Variants in GDPD5 observed in about 807,000 individuals in gnomAD.
GDPD5 encodes the protein glycerophosphodiester phosphodiesterase 2.
A neutral mutation model predicts 75.1 loss-of-function variants in GDPD5; 48 were observed. The observed-to-expected ratio is 0.64, with a 90% CI of 0.51 to 0.81. GDPD5 has a LOEUF of 0.81. GDPD5 is among the 40% of genes least tolerant of loss of function. GDPD5 has a pLI of 0.00. For missense variants in GDPD5, 706 were observed against 822.6 expected, an observed-to-expected ratio of 0.86 and a Z score of 1.73; for synonymous variants, 336 against 339.0, an observed-to-expected ratio of 0.99 and a Z score of 0.10.
intron 3 of GDPD5, among the ~76,000 whole-genome samples, chr11:75,473,689 C>G (rs1425589413): frequency 6.6e-6 from 1 of 152,156 alleles, no homozygotes; most frequent in Non-Finnish European, 1.5e-5. Flanking sequence ...GCCCACTGAG[C>G]AGCACCCTTC....
chr11:75,461,965 C>T (rs2135292252), intron 4 of GDPD5, among the ~76,000 whole-genome samples: 1 of 152,342 alleles, frequency 6.6e-6, no homozygotes, highest in Non-Finnish European at 1.5e-5. Context: ...GAGGAAAAAA[C>T]AGGTGCCCCT....
chr11:75,447,632 ACCAT>A (rs2135203147), intron 9 of GDPD5, among the ~76,000 whole-genome samples: 1 of 152,202 alleles, frequency 6.6e-6, no homozygotes, highest in South Asian at 2.1e-4. Context: ...ACTAAAGAAA[ACCAT>A]CCTCGCTGGG....
rs1283677228 is a variant in GDPD5, at chr11:75,442,595, G to A, written c.949-14C>T. The A allele has an allele frequency of 6.2e-7, 1 of 1,612,500 alleles. No homozygotes were observed. Among genetic ancestry groups the A allele is most frequent in the Non-Finnish European group, 8.5e-7 (1 of 1,178,880 alleles). On this transcript the variant is annotated splice_polypyrimidine_tract_variant and intron_variant, in intron 11 of 16. Transcript: ENST00000336898. ...GAAGGGGTCAGTCTGGCAGGGACAG[G>A]GACACACACATGGCTGCATCATCAG...
At position 75,512,256 on chromosome 11, in the gene GDPD5, C is replaced by T. The variant is rs566820155; in HGVS notation, c.-145+12954G>A. On this transcript the variant is annotated intron_variant, in intron 1 of 16. Transcript: ENST00000336898. Reference sequence around the variant, plus strand: ...AATTGTTCCATTTCTTAGTCCCTAACTGGTAGAAGCATGAAATTGGGAAGG... The same window carrying T: ...AATTGTTCCATTTCTTAGTCCCTAATTGGTAGAAGCATGAAATTGGGAAGG... Among the ~76,000 whole-genome samples the T allele has an allele frequency of 6.3e-5, 8 of 126,252 alleles. No homozygotes were observed. In the South Asian group the frequency reaches 2.0e-3, roughly 32 times the overall value. 82.8% of individuals were successfully genotyped at this position (126,252 alleles called of 152,430 possible).
Position 75,443,158 on chromosome 11 carries a change from T to C in GDPD5, c.926A>G (p.Asn309Ser), listed in dbSNP as rs371432695. 8.1e-6 allele frequency: 13 copies of C among 1,604,384 alleles called. No individual in the cohort carries two copies. In the African/African-American group the frequency reaches 1.3e-4, roughly 16 times the overall value. The change falls in exon 11 of 17, where the codon AAC becomes AGC. Residue 309 changes from asparagine (N) to serine (S), a missense_variant. By Grantham distance (46) the Asn-to-Ser change is conservative. Transcript: ENST00000336898. Reference protein sequence around the residue: ...MLNWTTLQRLNAGQWFLKTDP... With the variant: ...MLNWTTLQRLSAGQWFLKTDP... Reference sequence around the variant, plus strand: ...GACCTTCAGGAACCACTGGCCAGCGTTGAGTCTCTGCAGGGTGGTCCAGTT... The same window carrying C: ...GACCTTCAGGAACCACTGGCCAGCGCTGAGTCTCTGCAGGGTGGTCCAGTT...
intron 2 of GDPD5, among the ~76,000 whole-genome samples, chr11:75,484,000 A>G (rs1949972347): frequency 6.6e-6 from 1 of 152,214 alleles, no homozygotes; most frequent in Non-Finnish European, 1.5e-5. Flanking sequence ...CAGCCTGGCC[A>G]ACATGGTGAA....
chr11:75,468,629 A>G (rs1557471), intron 3 of GDPD5, among the ~76,000 whole-genome samples: 100,186 of 151,840 alleles, frequency 0.66, 33,918 homozygotes, highest in East Asian at 0.92. Context: ...CATGCACGGC[A>G]TCTGGTGAGG....
intron 4 of GDPD5, among the ~76,000 whole-genome samples, chr11:75,459,967 AAGGGAC>A (rs1214529923): frequency 6.6e-6 from 1 of 152,186 alleles, no homozygotes; most frequent in Non-Finnish European, 1.5e-5. Flanking sequence ...GACAGCTGGG[AAGGGAC>A]ACCGGGAGGA....
In GDPD5 at chr11:75,525,875, C is replaced by T. The variant is rs538037324; in HGVS notation, c.-810G>A. On this transcript the variant is annotated 5_prime_UTR_variant, in exon 1 of 17. Coordinates refer to ENST00000336898, the MANE Select transcript of GDPD5 (RefSeq NM_030792.8). ...CTCCCTCGCCGCTCGCTCAGCGCCG[C>T]GCCGCTGCCACCTCCGCTGTCATCC... 1 of 151,704 alleles carries T rather than the reference C, an allele frequency of 6.6e-6. No homozygotes were observed. The highest frequency in any genetic ancestry group is 2.4e-5 in the African/African-American group (1 of 41,458). 9.4% of individuals were successfully genotyped at this position (151,704 alleles called of 1,614,324 possible).
rs1247135431 is a variant in GDPD5 at position 75,441,813 on chromosome 11, GA to G, written c.1168-11del. The G allele has an allele frequency of 5.0e-6, 8 of 1,603,506 alleles. No individual in the cohort carries two copies. The highest frequency in any genetic ancestry group is 6.8e-6 in the Non-Finnish European group (8 of 1,177,970). On this transcript the variant is annotated splice_polypyrimidine_tract_variant and intron_variant, in intron 12 of 16. Coordinates refer to ENST00000336898, the MANE Select transcript of GDPD5 (RefSeq NM_030792.8). Reference sequence around the variant, plus strand: ...TAGGCAGCCACATGACCTGCAGGCAGAAGAGAGGCAGCCTCAGACTTCTCTT... The same window carrying G: ...TAGGCAGCCACATGACCTGCAGGCAGAGAGAGGCAGCCTCAGACTTCTCTT...
intron 3 of GDPD5, among the ~76,000 whole-genome samples, chr11:75,474,820 CA>C (rs1244619771): frequency 6.6e-6 from 1 of 152,208 alleles, no homozygotes; most frequent in Non-Finnish European, 1.5e-5. Context: ...GGCCACTCCC[CA>C]TCTTGTCCCA....
At chr11:75,436,384 A>T (rs954591314) in intron 16 of GDPD5, among the ~76,000 whole-genome samples, 1 of 151,942 alleles carries the variant, frequency 6.6e-6, no homozygotes, top group South Asian at 2.1e-4. Context: ...AGCCATTACC[A>T]AAGCACCTCC....
At chr11:75,484,008 G>A (rs901339691) in intron 2 of GDPD5, among the ~76,000 whole-genome samples, 1 of 152,162 alleles carries the variant, frequency 6.6e-6, no homozygotes, top group Non-Finnish European at 1.5e-5. Context: ...CCAACATGGT[G>A]AAACCCCGTC....
chr11:75,434,793 A>G lies in GDPD5; in HGVS notation c.*714T>C, dbSNP rs1948584067. ...TGATGTGGGAACCTGAGGTCACATC[A>G]GTCTGTGGACTCCTGGGTTAGGTGA... On this transcript the variant is annotated 3_prime_UTR_variant, in exon 17 of 17. Transcript: ENST00000336898. 1 of 152,380 alleles carries G rather than the reference A, an allele frequency of 6.6e-6. No individual in the cohort carries two copies. The highest frequency in any genetic ancestry group is 2.4e-5 in the African/African-American group (1 of 41,474). The allele number at this position is 152,380 out of a possible 1,614,324, so 9.4% of individuals were successfully genotyped here.
intron 5 of GDPD5, 71 bp from the exon 6 acceptor site, chr11:75,456,887 C>T (rs1949296875): frequency 6.8e-7 from 1 of 1,471,116 alleles, no homozygotes; most frequent in Non-Finnish European, 9.5e-7. Context: ...TCTCAGACAC[C>T]CTGCTCCCCA....
chr11:75,448,064 A>G (rs1320239950), intron 9 of GDPD5, among the ~76,000 whole-genome samples: 3 of 152,042 alleles, frequency 2.0e-5, no homozygotes, highest in African/African-American at 7.2e-5. Context: ...CCTCCTTCCA[A>G]AGCAGTTATG....
At chr11:75,457,625 C>A (rs1949311735) in intron 5 of GDPD5, 68 bp downstream of exon 5, 2 of 1,341,038 alleles carry the variant, frequency 1.5e-6, no homozygotes, top group Non-Finnish European at 2.1e-6. Flanking sequence ...CTCCATCAGC[C>A]CAGCACAGGG....
At chr11:75,444,536 C>G in intron 9 of GDPD5, 41 bp from the exon 10 acceptor site, 1 of 1,422,796 alleles carries the variant, frequency 7.0e-7, no homozygotes, top group Non-Finnish European at 9.9e-7. Flanking sequence ...CAAGATTCAG[C>G]TGATGTACCC....
chr11:75,499,052 G>A (rs1017366166), intron 1 of GDPD5, among the ~76,000 whole-genome samples: 5 of 151,952 alleles, frequency 3.3e-5, no homozygotes, highest in Non-Finnish European at 5.9e-5. Context: ...CCTCAGCAGG[G>A]AAGCTTCCTA....
Sources: allele counts gnomAD v4.1 joint callset (sites outside exome capture counted in the v4.1 genomes callset), GRCh38; gene constraint gnomAD v4.1.1; transcripts MANE v1.5; gene names NCBI Gene and HGNC (gene_info 2026-07-23, HGNC 2026-07-21).